The following SDCCAG8 variants were observed in gnomAD, a reference collection of about 807,000 sequenced individuals.
SDCCAG8 encodes the protein SHH signaling and ciliogenesis regulator SDCCAG8.
Under a neutral mutation model 101.8 loss-of-function variants are expected in SDCCAG8, and 74 were observed. That is an observed-to-expected ratio of 0.73 (90% CI 0.60 to 0.88). The LOEUF (loss-of-function observed/expected upper bound fraction) is 0.88. SDCCAG8 is among the 40% of genes least tolerant of loss of function. SDCCAG8 has a pLI of 0.00. For synonymous variants in SDCCAG8, 281 were observed against 292.9 expected, an observed-to-expected ratio of 0.96 and a Z score of 0.41; for missense variants, 787 against 822.6, an observed-to-expected ratio of 0.96 and a Z score of 0.53.
intron 10 of SDCCAG8, among the ~76,000 whole-genome samples, chr1:243,332,252 A>T (rs2074660724): frequency 6.6e-6 from 1 of 152,214 alleles, no homozygotes; most frequent in Non-Finnish European, 1.5e-5. Flanking sequence ...ATGGCTTTAA[A>T]ATCCATATGA....
At chr1:243,430,255 C>T (rs1385568103) in intron 16 of SDCCAG8, among the ~76,000 whole-genome samples, 1 of 152,054 alleles carries the variant, frequency 6.6e-6, no homozygotes, top group Non-Finnish European at 1.5e-5. Flanking sequence ...ATTTTACTGA[C>T]TCCTGTTCTA....
chr1:243,495,720 C>G (rs1380121599), intron 17 of SDCCAG8, among the ~76,000 whole-genome samples: 7 of 152,214 alleles, frequency 4.6e-5, no homozygotes, highest in African/African-American at 1.2e-4. Context: ...TGCTCGAAGG[C>G]CGCGTTTCCC....
chr1:243,369,353 T>A (rs1558367315), intron 12 of SDCCAG8, among the ~76,000 whole-genome samples: 1 of 152,156 alleles, frequency 6.6e-6, no homozygotes. Flanking sequence ...AAGGTACACA[T>A]GTACTGTGAC....
chr1:243,446,646 C>T (rs2082927354), intron 16 of SDCCAG8, among the ~76,000 whole-genome samples: 1 of 152,198 alleles, frequency 6.6e-6, no homozygotes, highest in Non-Finnish European at 1.5e-5. Flanking sequence ...TTCTCTGTTC[C>T]TGGCTTAAGA....
At chr1:243,372,106 T>C (rs1037049500) in intron 12 of SDCCAG8, among the ~76,000 whole-genome samples, 1 of 152,138 alleles carries the variant, frequency 6.6e-6, no homozygotes, top group Non-Finnish European at 1.5e-5. Context: ...GATTATTTTC[T>C]CCCAAGTGAT....
chr1:243,306,256 C>T (rs2072116838), intron 7 of SDCCAG8: 1 of 151,966 alleles, frequency 6.6e-6, no homozygotes, highest in Non-Finnish European at 1.5e-5. Context: ...AAAAAATACT[C>T]TAATTTTTGC....
chr1:243,338,130 C>T (rs1472683633), intron 10 of SDCCAG8, among the ~76,000 whole-genome samples: 1 of 152,054 alleles, frequency 6.6e-6, no homozygotes, highest in Non-Finnish European at 1.5e-5. Context: ...TTATGTTGCC[C>T]AGGCTGGTCT....
At chr1:243,277,391 C>A (rs1237082906) in intron 4 of SDCCAG8, among the ~76,000 whole-genome samples, 1 of 152,232 alleles carries the variant, frequency 6.6e-6, no homozygotes. Flanking sequence ...TCCCTGATCA[C>A]AAATGATGCT....
chr1:243,415,316 A>G (rs2080496836), intron 13 of SDCCAG8, among the ~76,000 whole-genome samples: 1 of 152,114 alleles, frequency 6.6e-6, no homozygotes, highest in Non-Finnish European at 1.5e-5. Flanking sequence ...CTTAGTTTTA[A>G]GAATTTAAGT....
intron 16 of SDCCAG8, among the ~76,000 whole-genome samples, chr1:243,463,300 C>T (rs1659492035): frequency 6.6e-6 from 1 of 152,258 alleles, no homozygotes; most frequent in Admixed American, 6.5e-5. Context: ...TGTAGAGTGG[C>T]AACACTTGAT....
chr1:243,305,774 A>G (rs1412466869), intron 7 of SDCCAG8: 1 of 152,226 alleles, frequency 6.6e-6, no homozygotes, highest in African/African-American at 2.4e-5. Flanking sequence ...CTATCTAGAG[A>G]CATAACTAGA....
chr1:243,431,286 C>A (rs1335059645), intron 16 of SDCCAG8, among the ~76,000 whole-genome samples: 1 of 152,136 alleles, frequency 6.6e-6, no homozygotes, highest in Non-Finnish European at 1.5e-5. Context: ...ATATTGGTGA[C>A]AGAAATAAAC....
intron 9 of SDCCAG8, among the ~76,000 whole-genome samples, chr1:243,321,114 C>G (rs1352185486): frequency 6.6e-6 from 1 of 152,160 alleles, no homozygotes; most frequent in Non-Finnish European, 1.5e-5. Flanking sequence ...TACCCTCCTC[C>G]CCCAAGTTGT....
intron 16 of SDCCAG8, among the ~76,000 whole-genome samples, chr1:243,454,560 A>G (rs575149095): frequency 9.9e-5 from 15 of 152,176 alleles, no homozygotes; most frequent in Non-Finnish European, 1.8e-4. Context: ...GAGTAAGGGA[A>G]GAGGTCGCCG....
intron 17 of SDCCAG8, among the ~76,000 whole-genome samples, chr1:243,496,573 G>A (rs1667962759): frequency 6.6e-6 from 1 of 152,240 alleles, no homozygotes; most frequent in Non-Finnish European, 1.5e-5. Flanking sequence ...GTTACCTTCA[G>A]AAGGGTTGGC....
chr1:243,399,872 C>T (rs570117861), intron 13 of SDCCAG8, among the ~76,000 whole-genome samples: 5 of 152,298 alleles, frequency 3.3e-5, no homozygotes, highest in South Asian at 2.1e-4. Context: ...ACGCTGCTTA[C>T]CCTGTAATAG....
At position 243,294,717 on chromosome 1, in the gene SDCCAG8, C is replaced by T. The variant is rs978384485; in HGVS notation, c.675+1498C>T. 4.4e-5 allele frequency among the ~76,000 whole-genome samples: 6 copies of T among 137,606 alleles called. No individual in the cohort carries two copies. In the East Asian group the frequency reaches 1.5e-3, roughly 35 times the overall value. The allele number at this position is 137,606 out of a possible 152,430, so 90.3% of individuals were successfully genotyped here. A position where few individuals can be genotyped will look rare whatever the true frequency, so the allele number is the denominator to read the frequency against. ...AAATTCCCCCCCCCCCCCACAGCTG[C>T]CTTTGAACGTCCTAATTTCCCAAAG... is the stretch of plus-strand genomic sequence containing the variant. On this transcript the variant is annotated intron_variant, in intron 6 of 17. Coordinates refer to ENST00000366541, the MANE Select transcript of SDCCAG8 (RefSeq NM_006642.5).
intron 13 of SDCCAG8, among the ~76,000 whole-genome samples, chr1:243,384,616 T>A (rs114777068): frequency 1.2e-5 from 1 of 80,024 alleles, no homozygotes; most frequent in Admixed American, 1.3e-4. Flanking sequence ...ACACACACAC[T>A]CACTCTTAAA....
intron 17 of SDCCAG8, among the ~76,000 whole-genome samples, chr1:243,496,303 G>A (rs552362906): frequency 1.0e-3 from 155 of 152,294 alleles, no homozygotes; most frequent in Non-Finnish European, 1.8e-3. Context: ...AACAGCTGCC[G>A]AGCCCTGGCC....
Sources: gnomAD v4.1 joint callset for allele counts (sites outside exome capture counted in the v4.1 genomes callset) on GRCh38, gnomAD v4.1.1 for gene constraint, MANE v1.5 for transcripts, NCBI Gene and HGNC (gene_info 2026-07-23, HGNC 2026-07-21) for gene names.